NFIC: variants seen among roughly 807,000 people sequenced by gnomAD.
NFIC encodes the protein nuclear factor 1 C-type.
In NFIC, 12 loss-of-function variants were observed where a neutral mutation model predicts 54.4. The observed-to-expected ratio is 0.22, with a 90% CI of 0.14 to 0.36. NFIC has a LOEUF of 0.36. Among genes scored for constraint, NFIC ranks in the 10% least tolerant of loss-of-function variants. The pLI is 1.00. For missense variants in NFIC, 575 were observed against 718.2 expected, an observed-to-expected ratio of 0.80 and a Z score of 2.28; for synonymous variants, 322 against 319.2, an observed-to-expected ratio of 1.01 and a Z score of -0.09.
intron 6 of NFIC, among the ~76,000 whole-genome samples, chr19:3,443,859 A>G (rs2082329761): frequency 6.6e-6 from 1 of 152,188 alleles, no homozygotes; most frequent in African/African-American, 2.4e-5. Flanking sequence ...CACAGGGCCC[A>G]GAGGAGACCT....
rs2082545830 is a variant in NFIC, at chr19:3,455,837, G to A, written c.1424-713G>A. 3.3e-5 allele frequency among the ~76,000 whole-genome samples: 5 copies of A among 152,140 alleles called. No individual in the cohort carries two copies. The South Asian group carries it at 1.0e-3, about 31-fold the overall frequency. On this transcript the variant is annotated intron_variant, in intron 9 of 10. Coordinates refer to ENST00000443272, the MANE Select transcript of NFIC (RefSeq NM_001245002.2). Reference sequence around the variant, plus strand: ...GTACACACTTAATAAATGCAGGATAGGCATGGATTCCACCCCCCTTTCCCT... The same window carrying A: ...GTACACACTTAATAAATGCAGGATAAGCATGGATTCCACCCCCCTTTCCCT...
chr19:3,437,450 C>T (rs918688413), intron 6 of NFIC, among the ~76,000 whole-genome samples: 8 of 152,154 alleles, frequency 5.3e-5, no homozygotes, highest in Non-Finnish European at 7.4e-5. Flanking sequence ...CCCCTCCCTT[C>T]CACAGTGTGG....
intron 6 of NFIC, among the ~76,000 whole-genome samples, chr19:3,444,711 C>T (rs1040679478): frequency 1.3e-5 from 2 of 152,204 alleles, no homozygotes; most frequent in Non-Finnish European, 2.9e-5. Context: ...CCAGGACAAG[C>T]GGTTCTAGGA....
At chr19:3,435,058 C>G (rs768321260) in intron 5 of NFIC, 25 bp from the exon 6 acceptor site, 1 of 1,562,854 alleles carries the variant, frequency 6.4e-7, no homozygotes, top group Non-Finnish European at 8.7e-7. Context: ...TGGTAACCAG[C>G]CTCTCCCCTT....
In NFIC at chr19:3,369,596, C is replaced by T. The variant is rs1360379405; in HGVS notation, c.30+2930C>T. Among the ~76,000 whole-genome samples the T allele has an allele frequency of 6.6e-6, 1 of 152,214 alleles. No individual in the cohort carries two copies. The highest frequency in any genetic ancestry group is 1.5e-5 in the Non-Finnish European group (1 of 68,022). On this transcript the variant is annotated intron_variant, in intron 1 of 10. Coordinates refer to ENST00000443272, the MANE Select transcript of NFIC (RefSeq NM_001245002.2). This position sits in a 1 kb window ranked among gnomAD's most constrained non-coding sequence, Gnocchi z 4.3. Reference sequence around the variant, plus strand: ...GAGTGGGGAGTGGGTGCTGGCGGCCCTGGGGCATTCTGGGAGCCCCGGGCC... The same window carrying T: ...GAGTGGGGAGTGGGTGCTGGCGGCCTTGGGGCATTCTGGGAGCCCCGGGCC...
At position 3,430,299 on chromosome 19, in the gene NFIC, T is replaced by C. The variant is rs190528923; in HGVS notation, c.635-3219T>C. 7.8e-4 allele frequency among the ~76,000 whole-genome samples: 119 copies of C among 151,746 alleles called. 1 individual carries two copies. The highest frequency in any genetic ancestry group is 2.8e-3 in the African/African-American group (115 of 41,360). The stretch of plus-strand genomic sequence containing the variant: ...GTGCAGTGGCGCAATCTCGGCTCAC[T>C]GCAACCTCCACCTTCCTGGTTCAAG... On this transcript the variant is annotated intron_variant, in intron 3 of 10. Transcript: ENST00000443272.
chr19:3,382,180 C>A lies in NFIC; in HGVS notation c.499C>A (p.His167Asn). The change falls in exon 2 of 11, where the codon CAC (histidine) becomes AAC (asparagine). Residue 167 changes from histidine to asparagine, a missense_variant. Physicochemically the swap from His to Asn is moderately conservative, Grantham distance 68 (BLOSUM62 1). This residue lies in a region of NFIC where 447 missense variants were observed against 526.9 expected (regional missense o/e 0.85). Coordinates refer to ENST00000443272, the MANE Select transcript of NFIC (RefSeq NM_001245002.2). The stretch of plus-strand genomic sequence containing the variant: ...TCACCCGGTCCTGTGCGTGCAGCCG[C>A]ACCACATTGGCGTGGCCGTCAAGGA... The part of the protein sequence containing the change: ...CGHPVLCVQP[H>N]HIGVAVKELD... 6.2e-7 allele frequency: 1 copy of A among 1,611,906 alleles called. No homozygotes were observed. The highest frequency in any genetic ancestry group is 2.2e-5 in the East Asian group (1 of 44,876).
At chr19:3,402,348 A>G (rs2081572234) in intron 2 of NFIC, among the ~76,000 whole-genome samples, 1 of 151,988 alleles carries the variant, frequency 6.6e-6, no homozygotes, top group South Asian at 2.1e-4. Context: ...CTGCGCCCAG[A>G]CGGTCCTTCC....
At chr19:3,436,074 C>G (rs976302977) in intron 6 of NFIC, among the ~76,000 whole-genome samples, 1 of 151,158 alleles carries the variant, frequency 6.6e-6, no homozygotes, top group South Asian at 2.1e-4. Flanking sequence ...GTGATTCGCC[C>G]GCCTCGGCCT....
chr19:3,409,237 C>T (rs1386645607), intron 2 of NFIC, among the ~76,000 whole-genome samples: 1 of 152,158 alleles, frequency 6.6e-6, no homozygotes, highest in Non-Finnish European at 1.5e-5. Flanking sequence ...TTCATTCCTG[C>T]CCCGTGGACC....
rs1380739867 is a variant in NFIC, at chr19:3,406,629, C to T, written c.563-18477C>T. On this transcript the variant is annotated intron_variant, in intron 2 of 10. Transcript: ENST00000443272. ...TGTTGGATAAAAGCATCACAGTTTTCTCCTGAGGCTGGGGTTGGCACAGAT... is the reference window on the plus strand; with the variant it reads ...TGTTGGATAAAAGCATCACAGTTTTTTCCTGAGGCTGGGGTTGGCACAGAT... 3.3e-5 allele frequency among the ~76,000 whole-genome samples: 5 copies of T among 152,164 alleles called. No homozygotes were observed. The East Asian group carries it at 7.7e-4, about 23-fold the overall frequency.
intron 1 of NFIC, among the ~76,000 whole-genome samples, chr19:3,373,873 C>T (rs1267507139): frequency 6.6e-6 from 1 of 152,182 alleles, no homozygotes; most frequent in African/African-American, 2.4e-5. Context: ...AATGAATCTT[C>T]CCTCTCTGGG....
At chr19:3,431,184 C>T (rs966536890) in intron 3 of NFIC, among the ~76,000 whole-genome samples, 2 of 151,276 alleles carry the variant, frequency 1.3e-5, no homozygotes, top group Admixed American at 6.6e-5. Flanking sequence ...CCACCATGCC[C>T]GGCTAATTTT....
intron 1 of NFIC, among the ~76,000 whole-genome samples, chr19:3,360,256 C>T (rs1379987455): frequency 6.9e-6 from 1 of 145,636 alleles, no homozygotes; most frequent in East Asian, 2.0e-4. Flanking sequence ...AACTTGGAGC[C>T]GGGCGGGCGG....
At chr19:3,404,535 C>T (rs2081612646) in intron 2 of NFIC, among the ~76,000 whole-genome samples, 1 of 151,962 alleles carries the variant, frequency 6.6e-6, no homozygotes, top group African/African-American at 2.4e-5. Flanking sequence ...CTGGGGGAGG[C>T]GGCCCAGGGC....
chr19:3,403,327 G>T (rs1184736986), intron 2 of NFIC, among the ~76,000 whole-genome samples: 1 of 152,148 alleles, frequency 6.6e-6, no homozygotes, highest in Non-Finnish European at 1.5e-5. Flanking sequence ...TTCAAGTTCC[G>T]TTGTCCAACT....
At chr19:3,449,474 A>G (rs930029579) in intron 7 of NFIC, among the ~76,000 whole-genome samples, 9 of 151,816 alleles carry the variant, frequency 5.9e-5, no homozygotes, top group Non-Finnish European at 1.0e-4. Flanking sequence ...GAAGCTGCCA[A>G]TGAGGCCAGG....
chr19:3,381,944 G>C lies in NFIC; in HGVS notation c.263G>C (p.Cys88Ser). Residue 88 changes from cysteine (C) to serine (S), a missense_variant, in exon 2 of 11, where the codon TGC becomes TCC. Coordinates refer to ENST00000443272, the MANE Select transcript of NFIC (RefSeq NM_001245002.2). Reference protein sequence around the residue: ...AKLRKDIRPECREDFVLSITG... With the variant: ...AKLRKDIRPESREDFVLSITG... ...CTGCGCAAGGACATCCGGCCCGAGT[G>C]CCGCGAGGACTTCGTGCTGAGCATC... The C allele has an allele frequency of 6.2e-7, 1 of 1,613,556 alleles. No individual in the cohort carries two copies. Among genetic ancestry groups the C allele is most frequent in the Non-Finnish European group, 8.5e-7 (1 of 1,179,914 alleles).
intron 2 of NFIC, among the ~76,000 whole-genome samples, chr19:3,417,963 C>G (rs1250794062): frequency 1.2e-4 from 2 of 16,926 alleles, no homozygotes; most frequent in African/African-American, 2.7e-4. Context: ...CAGGGCCACA[C>G]AGTGCACTAG....
Sources: gnomAD v4.1 joint callset for allele counts (sites outside exome capture counted in the v4.1 genomes callset) on GRCh38, gnomAD v4.1.1 for gene constraint, gnomAD v4.1.1 regional missense constraint, Gnocchi (gnomAD v3.1) non-coding constraint, MANE v1.5 for transcripts, NCBI Gene and HGNC (gene_info 2026-07-23, HGNC 2026-07-21) for gene names.